EYA2: variants seen among roughly 807,000 people sequenced by gnomAD.
EYA2 encodes EYA transcriptional coactivator and phosphatase 2, also known as protein phosphatase EYA2.
In EYA2, 31 loss-of-function variants were observed where a neutral mutation model predicts 69.2. The observed-to-expected ratio is 0.45, with a 90% CI of 0.34 to 0.60. The LOEUF (loss-of-function observed/expected upper bound fraction) is 0.60. Ranked by LOEUF, EYA2 falls within the 20% of genes least tolerant of loss-of-function variation. EYA2 has a pLI of 0.02. For missense variants in EYA2, 622 were observed against 701.2 expected, an observed-to-expected ratio of 0.89 and a Z score of 1.28; for synonymous variants, 257 against 279.4, an observed-to-expected ratio of 0.92 and a Z score of 0.80.
chr20:46,960,196 G>A (rs1979388263), intron 1 of EYA2, among the ~76,000 whole-genome samples: 1 of 152,122 alleles, frequency 6.6e-6, no homozygotes, highest in South Asian at 2.1e-4. Flanking sequence ...CACTCGGCAT[G>A]TATTCACTCA....
At chr20:46,987,952 C>G (rs1266286650) in intron 1 of EYA2, among the ~76,000 whole-genome samples, 3 of 41,158 alleles carry the variant, frequency 7.3e-5, no homozygotes, top group African/African-American at 3.1e-4. Context: ...CTCTCTCTCT[C>G]TCTCTCTCTC....
At chr20:47,073,671 A>G (rs2031400778) in intron 6 of EYA2, among the ~76,000 whole-genome samples, 1 of 152,132 alleles carries the variant, frequency 6.6e-6, no homozygotes, top group African/African-American at 2.4e-5. Context: ...GTGGACCTCC[A>G]GGTGCCAGCA....
At chr20:47,049,921 C>T (rs2030243106) in intron 5 of EYA2, among the ~76,000 whole-genome samples, 1 of 146,370 alleles carries the variant, frequency 6.8e-6, no homozygotes, top group Admixed American at 6.9e-5. Context: ...TTGATGAATA[C>T]TAGCTGGACA....
chr20:47,152,509 C>T (rs1020854804), intron 10 of EYA2, among the ~76,000 whole-genome samples: 3 of 151,372 alleles, frequency 2.0e-5, no homozygotes, highest in Admixed American at 6.6e-5. Context: ...GATAGGGGGG[C>T]GCATTAGAAA....
chr20:47,078,318 TGCGCGCGCGC>T (rs141520850), intron 7 of EYA2, among the ~76,000 whole-genome samples: 12 of 130,204 alleles, frequency 9.2e-5, no homozygotes, highest in African/African-American at 2.6e-4. Flanking sequence ...CATGTGCACG[TGCGCGCGCGC>T]GCGCACACAC....
intron 11 of EYA2, among the ~76,000 whole-genome samples, chr20:47,170,369 G>A (rs1166062858): frequency 5.3e-5 from 8 of 152,016 alleles, no homozygotes; most frequent in South Asian, 2.1e-4. Flanking sequence ...CCTTCAGGCC[G>A]GGTGTGGTGG....
At chr20:46,905,717 A>G (rs1028061002) in intron 1 of EYA2, among the ~76,000 whole-genome samples, 1 of 152,130 alleles carries the variant, frequency 6.6e-6, no homozygotes, top group Non-Finnish European at 1.5e-5. Flanking sequence ...CCCCTCTATC[A>G]CCAACCTGCT....
At chr20:47,162,249 G>C (rs2034083494) in intron 10 of EYA2, among the ~76,000 whole-genome samples, 1 of 152,046 alleles carries the variant, frequency 6.6e-6, no homozygotes, top group Admixed American at 6.6e-5. Flanking sequence ...TTCCAAATAA[G>C]GTCACATTCA....
At chr20:46,954,483 G>A (rs1978995388) in intron 1 of EYA2, among the ~76,000 whole-genome samples, 4 of 152,210 alleles carry the variant, frequency 2.6e-5, no homozygotes, top group Admixed American at 2.6e-4. Flanking sequence ...AACTCATTTT[G>A]ACTTGTGGTT....
chr20:47,165,960 C>T (rs2034176848), intron 10 of EYA2, among the ~76,000 whole-genome samples: 2 of 152,068 alleles, frequency 1.3e-5, no homozygotes, highest in Middle Eastern at 3.4e-3. Flanking sequence ...GAGGCCACAG[C>T]GGGAGGATCA....
At chr20:46,921,886 A>G (rs1259980178) in intron 1 of EYA2, among the ~76,000 whole-genome samples, 1 of 152,208 alleles carries the variant, frequency 6.6e-6, no homozygotes, top group Non-Finnish European at 1.5e-5. Context: ...TCTTCTCCCA[A>G]TTGCTATAAA....
chr20:47,069,762 TAATA>T (rs952267934), intron 5 of EYA2, among the ~76,000 whole-genome samples: 2 of 151,976 alleles, frequency 1.3e-5, no homozygotes, highest in Non-Finnish European at 2.9e-5. Context: ...TTTTAAAAAA[TAATA>T]AAATCAGTGG....
intron 5 of EYA2, among the ~76,000 whole-genome samples, chr20:47,041,448 G>A (rs1222555543): frequency 1.3e-5 from 2 of 152,190 alleles, no homozygotes; most frequent in African/African-American, 4.8e-5. Flanking sequence ...GTCTGTGCAC[G>A]ACTAAGCATA....
Position 47,039,835 on chromosome 20 carries a change from C to CTTTTTTTTTTTTTT in EYA2, c.415+23548_415+23561dup, listed in dbSNP as rs10689930. Among the ~76,000 whole-genome samples, 60 of 69,804 alleles carry CTTTTTTTTTTTTTT rather than the reference C, an allele frequency of 8.6e-4. 7 individuals are homozygous for CTTTTTTTTTTTTTT. Among genetic ancestry groups the CTTTTTTTTTTTTTT allele is most frequent in the Non-Finnish European group, 1.0e-3 (42 of 41,014 alleles). 45.8% of individuals were successfully genotyped at this position (69,804 alleles called of 152,430 possible). A position where few individuals can be genotyped will look rare whatever the true frequency, so the allele number is the denominator to read the frequency against. On this transcript the variant is annotated intron_variant, in intron 5 of 15. Transcript: ENST00000327619. ...ATAGGGTCATTGTGAAGATCAAATACTTTTTTTTTTTTTTTTTTTTTTTGA... is the reference window on the plus strand; with the variant it reads ...ATAGGGTCATTGTGAAGATCAAATACTTTTTTTTTTTTTTTTTTTTTTTTTTTTTTTTTTTTTGA...
At chr20:47,018,606 G>C (rs892644795) in intron 5 of EYA2, among the ~76,000 whole-genome samples, 1 of 152,242 alleles carries the variant, frequency 6.6e-6, no homozygotes. Flanking sequence ...GGGCCGGGCC[G>C]TACAGGCAGC....
At chr20:47,175,991 AG>A (rs2034419465) in intron 12 of EYA2, among the ~76,000 whole-genome samples, 1 of 152,206 alleles carries the variant, frequency 6.6e-6, no homozygotes. Flanking sequence ...AGTGAACAAA[AG>A]AAACAAGGTC....
intron 1 of EYA2, among the ~76,000 whole-genome samples, chr20:46,957,741 C>T (rs112826158): frequency 2.0e-5 from 3 of 152,226 alleles, no homozygotes; most frequent in African/African-American, 7.2e-5. Context: ...TGGATTGTGG[C>T]CCAGCAATAC....
chr20:47,180,691 T>C, intron 13 of EYA2, 124 bp from the exon 14 acceptor site: 1 of 1,225,370 alleles, frequency 8.2e-7, no homozygotes, highest in South Asian at 1.5e-5. Context: ...CTAACATACC[T>C]GAAGATGACA....
intron 7 of EYA2, among the ~76,000 whole-genome samples, chr20:47,086,398 C>T (rs1388364632): frequency 6.6e-6 from 1 of 152,194 alleles, no homozygotes; most frequent in African/African-American, 2.4e-5. Flanking sequence ...TTAATTGTCT[C>T]ATCATTCCTC....
Sources: allele counts gnomAD v4.1 joint callset (sites outside exome capture counted in the v4.1 genomes callset), GRCh38; gene constraint gnomAD v4.1.1; transcripts MANE v1.5; gene names NCBI Gene and HGNC (gene_info 2026-07-23, HGNC 2026-07-21).